The following ACVR1 variants were observed in gnomAD, a reference collection of about 807,000 sequenced individuals.
The protein encoded by ACVR1 is activin A receptor type 1.
Under a neutral mutation model 57.1 loss-of-function variants are expected in ACVR1, and 38 were observed. That is an observed-to-expected ratio of 0.67 (90% CI 0.51 to 0.87). The LOEUF (loss-of-function observed/expected upper bound fraction) is 0.87, where lower values mean the gene tolerates loss of function less well. Ranked by LOEUF, ACVR1 falls within the 40% of genes least tolerant of loss-of-function variation. The probability of loss-of-function intolerance (pLI) is 0.00; values close to 1 mark genes in which losing one functional copy is unlikely to be tolerated. For missense variants in ACVR1, 463 were observed against 638.2 expected, an observed-to-expected ratio of 0.73 and a Z score of 2.96; for synonymous variants, 212 against 228.1, an observed-to-expected ratio of 0.93 and a Z score of 0.63.
chr2:157,815,188 C>T (rs10497192), intron 2 of ACVR1, among the ~76,000 whole-genome samples: 84,143 of 151,968 alleles, frequency 0.55, 28,338 homozygotes, highest in Non-Finnish European at 0.73. Context: ...GATACTGTTA[C>T]CATGTGTGTA....
intron 6 of ACVR1, 133 bp downstream of exon 6, chr2:157,773,955 A>G: frequency 2.7e-6 from 2 of 740,250 alleles, no homozygotes; most frequent in Non-Finnish European, 4.6e-6. Flanking sequence ...CATACAGAAT[A>G]GAGACCACAT....
chr2:157,749,127 T>C (rs1685082021), intron 9 of ACVR1, among the ~76,000 whole-genome samples: 1 of 152,260 alleles, frequency 6.6e-6, no homozygotes, highest in Admixed American at 6.5e-5. Flanking sequence ...GAGGTTCATC[T>C]AGTTAATTCA....
In ACVR1 at chr2:157,869,526, A is replaced by G. The variant is rs192607752; in HGVS notation, c.-183+6270T>C. 2.0e-3 allele frequency among the ~76,000 whole-genome samples: 312 copies of G among 152,318 alleles called. 1 individual carries two copies. Among genetic ancestry groups the G allele is most frequent in the African/African-American group, 6.9e-3 (288 of 41,576 alleles). Reference sequence around the variant, plus strand: ...TGAATATTAATTAAAAAGCATTATAATATTTTTGTAGAACTTGTAATTCAG... The same window carrying G: ...TGAATATTAATTAAAAAGCATTATAGTATTTTTGTAGAACTTGTAATTCAG... On this transcript the variant is annotated intron_variant, in intron 1 of 10. Transcript: ENST00000434821.
intron 9 of ACVR1, among the ~76,000 whole-genome samples, chr2:157,750,662 C>T (rs1326145830): frequency 6.6e-6 from 1 of 151,862 alleles, no homozygotes; most frequent in Non-Finnish European, 1.5e-5. Context: ...GTGCTGATAT[C>T]AACGTAGAGA....
In ACVR1 at chr2:157,863,336, C is replaced by CTTTTTTTTTTTTTTTTTTTTT. The variant is rs1161335923; in HGVS notation, c.-183+12439_-183+12459dup. 2.5e-4 allele frequency among the ~76,000 whole-genome samples: 9 copies of CTTTTTTTTTTTTTTTTTTTTT among 35,686 alleles called. 2 individuals are homozygous for CTTTTTTTTTTTTTTTTTTTTT. The highest frequency in any genetic ancestry group is 2.4e-4 in the Non-Finnish European group (5 of 20,822). 23.4% of individuals were successfully genotyped at this position (35,686 alleles called of 152,430 possible). A position where few individuals can be genotyped will look rare whatever the true frequency, so the allele number is the denominator to read the frequency against. On this transcript the variant is annotated intron_variant, in intron 1 of 10. Coordinates refer to ENST00000434821, the MANE Select transcript of ACVR1 (RefSeq NM_001111067.4). ...CCTATAGAACAGTTAAATTGTTTCT[C>CTTTTTTTTTTTTTTTTTTTTT]TTTTTTTTTTTTTTTTTTTTTTTTT... is the stretch of plus-strand genomic sequence containing the variant.
chr2:157,856,668 G>C (rs1689545101), intron 1 of ACVR1, among the ~76,000 whole-genome samples: 1 of 152,114 alleles, frequency 6.6e-6, no homozygotes, highest in African/African-American at 2.4e-5. Flanking sequence ...ATACAGAGAA[G>C]GGTCCCTTTG....
intron 1 of ACVR1, among the ~76,000 whole-genome samples, chr2:157,832,443 G>A (rs890073505): frequency 2.0e-5 from 3 of 152,170 alleles, no homozygotes; most frequent in African/African-American, 7.2e-5. Flanking sequence ...AATCCTCTTT[G>A]GGATTCCAGT....
At chr2:157,831,394 G>C (rs1449567585) in intron 1 of ACVR1, among the ~76,000 whole-genome samples, 2 of 152,182 alleles carry the variant, frequency 1.3e-5, no homozygotes, top group Non-Finnish European at 2.9e-5. Context: ...TGACTGCACT[G>C]AATCATTTCA....
intron 1 of ACVR1, among the ~76,000 whole-genome samples, chr2:157,865,821 AAGAT>A (rs57214423): frequency 0.083 from 11,401 of 136,870 alleles, 614 homozygotes; most frequent in African/African-American, 0.16. Context: ...AAAAAGAAAA[AAGAT>A]AGATAGATAG....
At chr2:157,836,360 G>C (rs1559085780) in intron 1 of ACVR1, among the ~76,000 whole-genome samples, 1 of 152,346 alleles carries the variant, frequency 6.6e-6, no homozygotes, top group Admixed American at 6.5e-5. Context: ...TGTGGCCTGA[G>C]AGTGAGAAGT....
At chr2:157,747,518 C>T (rs1404412567) in intron 9 of ACVR1, among the ~76,000 whole-genome samples, 2 of 151,830 alleles carry the variant, frequency 1.3e-5, no homozygotes, top group South Asian at 2.1e-4. Context: ...AAAAAAAATA[C>T]GAATAAAAAA....
intron 1 of ACVR1, among the ~76,000 whole-genome samples, chr2:157,835,820 TG>T (rs1457939731): frequency 6.6e-6 from 1 of 152,242 alleles, no homozygotes; most frequent in African/African-American, 2.4e-5. Context: ...ATAACCAGTA[TG>T]CAGATTACAT....
At chr2:157,762,845 C>T (rs1325067116) in intron 8 of ACVR1, among the ~76,000 whole-genome samples, 5 of 152,190 alleles carry the variant, frequency 3.3e-5, no homozygotes, top group South Asian at 2.1e-4. Flanking sequence ...TGAGACCTGC[C>T]GCCAATCATG....
At chr2:157,750,661 T>C (rs1685149993) in intron 9 of ACVR1, among the ~76,000 whole-genome samples, 1 of 151,562 alleles carries the variant, frequency 6.6e-6, no homozygotes, top group Non-Finnish European at 1.5e-5. Context: ...TGTGCTGATA[T>C]CAACGTAGAG....
chr2:157,828,719 A>G (rs1688480064), intron 1 of ACVR1, among the ~76,000 whole-genome samples: 1 of 152,170 alleles, frequency 6.6e-6, no homozygotes, highest in Admixed American at 6.5e-5. Flanking sequence ...TTTTTATTTA[A>G]TTTAGCAGTT....
At chr2:157,799,404 C>A (rs748070266) in intron 3 of ACVR1, 23 bp downstream of exon 3, 12 of 1,583,880 alleles carry the variant, frequency 7.6e-6, no homozygotes, top group South Asian at 1.1e-5. Context: ...TTATCTTAAC[C>A]CAAAAAGATG....
chr2:157,776,593 C>T (rs1006119044), intron 5 of ACVR1, among the ~76,000 whole-genome samples: 6 of 152,214 alleles, frequency 3.9e-5, no homozygotes, highest in Admixed American at 6.5e-5. Context: ...TTACTTCCCC[C>T]TTTTACATAC....
intron 1 of ACVR1, among the ~76,000 whole-genome samples, chr2:157,846,030 A>G (rs555160855): frequency 6.6e-6 from 1 of 152,368 alleles, no homozygotes; most frequent in Admixed American, 6.5e-5. Flanking sequence ...GAACCTGTGA[A>G]TGTTATCTTA....
intron 9 of ACVR1, among the ~76,000 whole-genome samples, chr2:157,751,072 G>A (rs773095247): frequency 2.0e-5 from 3 of 152,184 alleles, no homozygotes; most frequent in Non-Finnish European, 4.4e-5. Flanking sequence ...CGGACCCTTT[G>A]AAGGAAGTGG....
Sources: gnomAD v4.1 joint callset for allele counts (sites outside exome capture counted in the v4.1 genomes callset) on GRCh38, gnomAD v4.1.1 for gene constraint, MANE v1.5 for transcripts, NCBI Gene and HGNC (gene_info 2026-07-23, HGNC 2026-07-21) for gene names.